Variants in MYO3A observed in about 807,000 individuals in gnomAD.
MYO3A encodes myosin-IIIa.
In MYO3A, 180 loss-of-function variants were observed where a neutral mutation model predicts 192.7. The observed-to-expected ratio is 0.93, with a 90% CI of 0.83 to 1.06. The LOEUF (loss-of-function observed/expected upper bound fraction) is 1.06. Among genes scored for constraint, MYO3A ranks in the 50% least tolerant of loss-of-function variants. The pLI is 0.00. For missense variants in MYO3A, 1,896 were observed against 1,905.0 expected, an observed-to-expected ratio of 1.00 and a Z score of 0.09; for synonymous variants, 628 against 645.3, an observed-to-expected ratio of 0.97 and a Z score of 0.41.
At chr10:26,090,000 G>T (rs1836599451) in intron 15 of MYO3A, among the ~76,000 whole-genome samples, 1 of 152,216 alleles carries the variant, frequency 6.6e-6, no homozygotes, top group South Asian at 2.1e-4. Flanking sequence ...ATTGATGTCT[G>T]TCCAGTGCCC....
chr10:25,970,759 A>G (rs534869422), intron 4 of MYO3A, among the ~76,000 whole-genome samples: 6 of 152,118 alleles, frequency 3.9e-5, no homozygotes, highest in South Asian at 2.1e-4. Flanking sequence ...TATTGAATTT[A>G]TAGACATTCA....
chr10:26,020,241 G>T (rs1331716470), intron 7 of MYO3A, among the ~76,000 whole-genome samples: 1 of 152,144 alleles, frequency 6.6e-6, no homozygotes, highest in Non-Finnish European at 1.5e-5. Flanking sequence ...CTCCTCTCAA[G>T]AGTGTCTGTT....
Position 26,211,999 on chromosome 10 carries a change from C to T in MYO3A, c.*36C>T. 1 of 1,603,350 alleles carries T rather than the reference C, an allele frequency of 6.2e-7. No homozygotes were observed. Among genetic ancestry groups the T allele is most frequent in the Admixed American group, 1.7e-5 (1 of 59,488 alleles). On this transcript the variant is annotated 3_prime_UTR_variant, in exon 35 of 35. Coordinates refer to ENST00000642920, the MANE Select transcript of MYO3A (RefSeq NM_017433.5). ...AGGCAGTCACCGCCGTCGGAAGGCGCTGGAGCCTGCGGGGCAGCAGGGGCC... is the reference window on the plus strand; with the variant it reads ...AGGCAGTCACCGCCGTCGGAAGGCGTTGGAGCCTGCGGGGCAGCAGGGGCC...
intron 18 of MYO3A, 28 bp downstream of exon 18, chr10:26,120,830 C>G: frequency 1.2e-6 from 2 of 1,612,984 alleles, no homozygotes; most frequent in Non-Finnish European, 1.7e-6. Flanking sequence ...CTATTCAAAA[C>G]TGAAATCTTT....
intron 32 of MYO3A, among the ~76,000 whole-genome samples, chr10:26,198,626 T>A (rs1210638340): frequency 2.0e-5 from 3 of 152,236 alleles, no homozygotes; most frequent in Non-Finnish European, 4.4e-5. Flanking sequence ...CTCACCATGA[T>A]GTAATGGATA....
intron 14 of MYO3A, 81 bp from the exon 15 acceptor site, chr10:26,088,122 G>T: frequency 9.0e-7 from 1 of 1,111,686 alleles, no homozygotes; most frequent in Non-Finnish European, 1.3e-6. Flanking sequence ...TACATAAATT[G>T]CTTACCAAAG....
intron 4 of MYO3A, among the ~76,000 whole-genome samples, chr10:25,986,998 G>A (rs561665146): frequency 6.6e-6 from 1 of 152,298 alleles, no homozygotes; most frequent in Admixed American, 6.5e-5. Flanking sequence ...GCATGGTACT[G>A]ATACGAAAAC....
At chr10:26,103,770 G>A (rs1330565131) in intron 17 of MYO3A, among the ~76,000 whole-genome samples, 1 of 152,108 alleles carries the variant, frequency 6.6e-6, no homozygotes, top group African/African-American at 2.4e-5. Flanking sequence ...TTGTTCAACT[G>A]TTCTCCAAAA....
chr10:26,207,750 TACCAA>T (rs770399986), intron 34 of MYO3A, among the ~76,000 whole-genome samples: 152,109 of 152,324 alleles, frequency 1, 75,947 homozygotes, highest in Middle Eastern at 1. Context: ...TAGCTTTGAC[TACCAA>T]AGGGTCTTCT....
chr10:25,934,510 G>A (rs1054890612), intron 1 of MYO3A, among the ~76,000 whole-genome samples, 182 bp downstream of exon 1: 2 of 152,126 alleles, frequency 1.3e-5, no homozygotes. Flanking sequence ...GGACCTGTGT[G>A]TTTGTCGGGG....
At chr10:25,941,430 G>T (rs946209766) in intron 2 of MYO3A, among the ~76,000 whole-genome samples, 5 of 152,148 alleles carry the variant, frequency 3.3e-5, no homozygotes, top group African/African-American at 9.7e-5. Context: ...AGGAGTGTAG[G>T]AAATACGGTT....
intron 14 of MYO3A, among the ~76,000 whole-genome samples, chr10:26,078,199 A>C (rs1835720484): frequency 6.8e-6 from 1 of 147,808 alleles, no homozygotes; most frequent in Non-Finnish European, 1.5e-5. Context: ...GTCTGTTCAG[A>C]GTATTTGATT....
intron 6 of MYO3A, among the ~76,000 whole-genome samples, chr10:25,997,615 G>C (rs1840533592): frequency 6.6e-6 from 1 of 152,168 alleles, no homozygotes; most frequent in East Asian, 1.9e-4. Flanking sequence ...CCAGGATTTT[G>C]AGATGTGAGG....
At position 26,196,563 on chromosome 10, in the gene MYO3A, A is replaced by T. The variant is rs115560304; in HGVS notation, c.4545+3252A>T. ...GGAGTATATTATTACAAGTGAAGAT[A>T]TACCACGTGTTCATATTTATCTGGC... On this transcript the variant is annotated intron_variant, in intron 32 of 34. Coordinates refer to ENST00000642920, the MANE Select transcript of MYO3A (RefSeq NM_017433.5). 8.2e-3 allele frequency among the ~76,000 whole-genome samples: 1,252 copies of T among 152,340 alleles called. 17 individuals are homozygous for T. Among genetic ancestry groups the T allele is most frequent in the African/African-American group, 0.028 (1,177 of 41,566 alleles).
intron 4 of MYO3A, among the ~76,000 whole-genome samples, chr10:25,963,669 C>G (rs1838081087): frequency 1.3e-5 from 2 of 152,110 alleles, no homozygotes; most frequent in Non-Finnish European, 2.9e-5. Context: ...AGTGTGATTC[C>G]TTTCATGTTC....
At position 26,188,506 on chromosome 10, in the gene MYO3A, A is replaced by G. The variant is rs187348394; in HGVS notation, c.4439-4699A>G. ...AAGCTCTTTAGTTTAATTAGATCCCATTTGTCAATTTTGGCTTTTGTTGCC... is the reference window on the plus strand; with the variant it reads ...AAGCTCTTTAGTTTAATTAGATCCCGTTTGTCAATTTTGGCTTTTGTTGCC... On this transcript the variant is annotated intron_variant, in intron 31 of 34. Transcript: ENST00000642920. 3.6e-3 allele frequency among the ~76,000 whole-genome samples: 551 copies of G among 152,056 alleles called. 3 individuals carry two copies. Among genetic ancestry groups the G allele is most frequent in the African/African-American group, 0.013 (525 of 41,464 alleles).
intron 15 of MYO3A, among the ~76,000 whole-genome samples, chr10:26,094,675 C>T (rs1230323928): frequency 6.6e-6 from 1 of 152,108 alleles, no homozygotes; most frequent in South Asian, 2.1e-4. Context: ...CCGCCCACCT[C>T]GGCCTCCCGA....
At chr10:26,092,443 G>A (rs557320991) in intron 15 of MYO3A, among the ~76,000 whole-genome samples, 2 of 148,562 alleles carry the variant, frequency 1.3e-5, no homozygotes, top group South Asian at 4.3e-4. Context: ...TCCAGCCTGG[G>A]CAACACAGCA....
At chr10:26,194,951 TTGTTGAGATATAAA>T (rs1205956912) in intron 32 of MYO3A, among the ~76,000 whole-genome samples, 1 of 152,238 alleles carries the variant, frequency 6.6e-6, no homozygotes, top group East Asian at 1.9e-4. Flanking sequence ...ACTCACAGCT[TTGTTGAGATATAAA>T]TCGCATGCCA....
Sources: allele counts gnomAD v4.1 joint callset (sites outside exome capture counted in the v4.1 genomes callset), GRCh38; gene constraint gnomAD v4.1.1; transcripts MANE v1.5; gene names NCBI Gene and HGNC (gene_info 2026-07-23, HGNC 2026-07-21).